The following HCRTR2 variants were observed in gnomAD, a reference collection of about 807,000 sequenced individuals.
The protein encoded by HCRTR2 is hypocretin receptor 2.
Under a neutral mutation model 49.0 loss-of-function variants are expected in HCRTR2, and 22 were observed. The observed-to-expected ratio is 0.45, with a 90% CI of 0.32 to 0.64. The LOEUF (loss-of-function observed/expected upper bound fraction) is 0.64. Among genes scored for constraint, HCRTR2 ranks in the 30% least tolerant of loss-of-function variants. HCRTR2 has a pLI of 0.04. For missense variants in HCRTR2, 491 were observed against 559.4 expected, an observed-to-expected ratio of 0.88 and a Z score of 1.23; for synonymous variants, 236 against 205.3, an observed-to-expected ratio of 1.15 and a Z score of -1.28.
At chr6:55,226,757 G>C (rs1458731574) in intron 1 of HCRTR2, among the ~76,000 whole-genome samples, 5 of 113,692 alleles carry the variant, frequency 4.4e-5, no homozygotes, top group African/African-American at 1.9e-4. Context: ...TCGCTCTGTC[G>C]CCCAGGCCTG....
At chr6:55,162,084 C>A (rs1200580131) in intron 1 of HCRTR2, among the ~76,000 whole-genome samples, 2 of 152,118 alleles carry the variant, frequency 1.3e-5, no homozygotes, top group Non-Finnish European at 2.9e-5. Context: ...CGCAAAAATC[C>A]TCAATAAAAT....
At chr6:55,181,651 A>G (rs1336345573) in intron 1 of HCRTR2, among the ~76,000 whole-genome samples, 1 of 152,212 alleles carries the variant, frequency 6.6e-6, no homozygotes, top group South Asian at 2.1e-4. Context: ...AAAAAACTCA[A>G]GTGCTTGAAG....
chr6:55,150,462 C>T (rs897884004), intron 1 of HCRTR2, among the ~76,000 whole-genome samples: 1 of 151,962 alleles, frequency 6.6e-6, no homozygotes, highest in Non-Finnish European at 1.5e-5. Flanking sequence ...TCTTCTATAA[C>T]TGAGACTTTC....
At chr6:55,261,914 G>A (rs1766764512) in intron 3 of HCRTR2, among the ~76,000 whole-genome samples, 1 of 151,890 alleles carries the variant, frequency 6.6e-6, no homozygotes, top group South Asian at 2.1e-4. Flanking sequence ...AAAAATATGT[G>A]GTATGTATAT....
intron 1 of HCRTR2, among the ~76,000 whole-genome samples, chr6:55,125,875 C>G (rs1764268089): frequency 6.6e-6 from 1 of 151,994 alleles, no homozygotes; most frequent in African/African-American, 2.4e-5. Context: ...GACCTTCAAT[C>G]AATGGTACCC....
intron 1 of HCRTR2, among the ~76,000 whole-genome samples, chr6:55,178,076 G>A (rs1294288540): frequency 2.0e-5 from 3 of 152,082 alleles, no homozygotes; most frequent in Admixed American, 6.6e-5. Flanking sequence ...TATATTGTGA[G>A]CATTATCATT....
upstream of HCRTR2, among the ~76,000 whole-genome samples, chr6:55,173,518 A>G (rs552861918): frequency 1.3e-5 from 2 of 152,364 alleles, no homozygotes; most frequent in East Asian, 1.9e-4. Flanking sequence ...TATTAGAGAC[A>G]AAACCAGTGC....
At chr6:55,184,598 A>T (rs987277442) in intron 1 of HCRTR2, among the ~76,000 whole-genome samples, 1 of 152,226 alleles carries the variant, frequency 6.6e-6, no homozygotes, top group Non-Finnish European at 1.5e-5. Flanking sequence ...ATCAATGAAG[A>T]TGCTACATTG....
At chr6:55,126,245 C>G (rs896434097) in intron 1 of HCRTR2, among the ~76,000 whole-genome samples, 1 of 152,092 alleles carries the variant, frequency 6.6e-6, no homozygotes, top group African/African-American at 2.4e-5. Flanking sequence ...TTCTCCCTGT[C>G]TTTGTGGATT....
At chr6:55,214,165 A>G (rs1403074546) in intron 1 of HCRTR2, among the ~76,000 whole-genome samples, 1 of 152,164 alleles carries the variant, frequency 6.6e-6, no homozygotes, top group African/African-American at 2.4e-5. Flanking sequence ...CTGAAAAAAG[A>G]AATGAGCAAT....
chr6:55,174,415 G>A, upstream of HCRTR2: 2 of 666,826 alleles, frequency 3.0e-6, no homozygotes, highest in South Asian at 3.3e-5. Flanking sequence ...CACCGCAGAA[G>A]TTGCCCGGCA....
intron 1 of HCRTR2, among the ~76,000 whole-genome samples, chr6:55,146,264 T>C (rs1764579485): frequency 6.6e-6 from 1 of 152,188 alleles, no homozygotes; most frequent in African/African-American, 2.4e-5. Flanking sequence ...ATAAGACATC[T>C]AGTTTGATGC....
intron 1 of HCRTR2, among the ~76,000 whole-genome samples, chr6:55,207,327 G>A (rs1467952870): frequency 6.6e-6 from 1 of 152,066 alleles, no homozygotes; most frequent in African/African-American, 2.4e-5. Context: ...AATGAAAAAT[G>A]TAATATGTAG....
intron 1 of HCRTR2, among the ~76,000 whole-genome samples, chr6:55,220,990 C>A (rs992335519): frequency 2.6e-5 from 4 of 152,000 alleles, no homozygotes; most frequent in Admixed American, 1.3e-4. Flanking sequence ...TAAGCTTAAC[C>A]AAGGAGGCTA....
At chr6:55,194,491 A>G (rs562480801) in intron 1 of HCRTR2, among the ~76,000 whole-genome samples, 1 of 152,244 alleles carries the variant, frequency 6.6e-6, no homozygotes, top group African/African-American at 2.4e-5. Context: ...TATTCTACAT[A>G]TAATTAAATA....
At chr6:55,221,175 A>T (rs986318592) in intron 1 of HCRTR2, among the ~76,000 whole-genome samples, 1 of 152,166 alleles carries the variant, frequency 6.6e-6, no homozygotes, top group African/African-American at 2.4e-5. Context: ...TTATGATGTC[A>T]TTTTTTTCAG....
intron 1 of HCRTR2, among the ~76,000 whole-genome samples, chr6:55,195,563 A>T (rs1239757181): frequency 6.6e-6 from 1 of 152,232 alleles, no homozygotes; most frequent in Non-Finnish European, 1.5e-5. Flanking sequence ...ATATTTCAAA[A>T]TAACTCAAAG....
intron 1 of HCRTR2, among the ~76,000 whole-genome samples, chr6:55,213,226 T>C (rs1765727292): frequency 2.0e-5 from 3 of 152,100 alleles, no homozygotes; most frequent in Admixed American, 2.0e-4. Flanking sequence ...AAACACTAAA[T>C]AGCAGCACAT....
intron 1 of HCRTR2, among the ~76,000 whole-genome samples, chr6:55,134,772 C>T (rs1764410700): frequency 6.6e-6 from 1 of 152,086 alleles, no homozygotes; most frequent in South Asian, 2.1e-4. Flanking sequence ...AGCATAATGT[C>T]CTCCAGGTTC....
Sources: gnomAD v4.1 joint callset for allele counts (sites outside exome capture counted in the v4.1 genomes callset) on GRCh38, gnomAD v4.1.1 for gene constraint, MANE v1.5 for transcripts, NCBI Gene and HGNC (gene_info 2026-07-23, HGNC 2026-07-21) for gene names.